SPATA13: variants seen among roughly 807,000 people sequenced by gnomAD.
The protein encoded by SPATA13 is spermatogenesis-associated protein 13.
In SPATA13, 50 loss-of-function variants were observed where a neutral mutation model predicts 104.0. That is an observed-to-expected ratio of 0.48 (90% CI 0.38 to 0.61). SPATA13 has a LOEUF of 0.61. Among genes scored for constraint, SPATA13 ranks in the 20% least tolerant of loss-of-function variants. The pLI, the probability that SPATA13 is intolerant of heterozygous loss-of-function variation, is 0.00. For synonymous variants in SPATA13, 606 were observed against 667.5 expected (o/e 0.91, Z 1.42); for missense variants, 1,524 against 1,690.6 (o/e 0.90, Z 1.73).
At chr13:24,277,227 A>G (rs537963252) in intron 4 of SPATA13, among the ~76,000 whole-genome samples, 20 of 152,042 alleles carry the variant, frequency 1.3e-4, no homozygotes, top group Admixed American at 2.0e-4. Flanking sequence ...GGCGGATCAC[A>G]AGGTCAGGAG....
At chr13:24,283,886 A>G (rs1875726351) in intron 4 of SPATA13, among the ~76,000 whole-genome samples, 1 of 152,184 alleles carries the variant, frequency 6.6e-6, no homozygotes, top group Non-Finnish European at 1.5e-5. Context: ...TAATATCCTG[A>G]TGGTCTTCAC....
At chr13:24,244,703 AAAAT>A (rs1873020862) in intron 2 of SPATA13, among the ~76,000 whole-genome samples, 1 of 152,176 alleles carries the variant, frequency 6.6e-6, no homozygotes, top group South Asian at 2.1e-4. Flanking sequence ...GGCTGTACAA[AAAAT>A]AAATAAATTA....
rs1401433555 is a variant in SPATA13, at chr13:24,011,689, A to G, written c.-146-5978A>G. On this transcript the variant is annotated intron_variant, in intron 2 of 14. Transcript: ENST00000424834. The surrounding 1 kb of genome is among the most constrained non-coding windows in gnomAD (Gnocchi z 4.3). ...GCTGAAAACACCAGGCTCTAACTCTACTAGTTAAGCAGGAGCCTGGGAGTC... is the reference window on the plus strand; with the variant it reads ...GCTGAAAACACCAGGCTCTAACTCTGCTAGTTAAGCAGGAGCCTGGGAGTC... Among the ~76,000 whole-genome samples the G allele has an allele frequency of 2.0e-5, 3 of 152,158 alleles. No individual in the cohort carries two copies. The highest frequency in any genetic ancestry group is 1.3e-4 in the Admixed American group (2 of 15,286).
chr13:24,278,943 T>C, intron 4 of SPATA13: 4 of 802,110 alleles, frequency 5.0e-6, no homozygotes, highest in Non-Finnish European at 7.1e-6. Context: ...CTTCCTTCCT[T>C]CCTTCCCTCC....
chr13:24,095,565 G>A (rs1880047582), intron 3 of SPATA13, among the ~76,000 whole-genome samples: 1 of 151,970 alleles, frequency 6.6e-6, no homozygotes. Context: ...TGGTTATGAT[G>A]GTAAATATGT....
chr13:24,164,084 A>G (rs1036116233), intron 1 of SPATA13, among the ~76,000 whole-genome samples: 1 of 152,240 alleles, frequency 6.6e-6, no homozygotes, highest in Non-Finnish European at 1.5e-5. Flanking sequence ...CCAAATGTAC[A>G]TGGTTTTCTT....
At chr13:24,221,069 G>T (rs1309575562) in intron 1 of SPATA13, among the ~76,000 whole-genome samples, 2 of 152,188 alleles carry the variant, frequency 1.3e-5, no homozygotes, top group African/African-American at 4.8e-5. Flanking sequence ...TTTACAGTCA[G>T]GGTCGTGAGG....
At chr13:24,033,516 G>A (rs9507221) in intron 3 of SPATA13, 66,424 of 152,182 alleles carry the variant, frequency 0.44, 15,544 homozygotes, top group Non-Finnish European at 0.53. Context: ...GTTTCAGCTC[G>A]GACTGACCTG....
chr13:24,265,769 G>A (rs1480411579), intron 4 of SPATA13, among the ~76,000 whole-genome samples: 1 of 152,074 alleles, frequency 6.6e-6, no homozygotes, highest in Non-Finnish European at 1.5e-5. Context: ...CACCTGTCCT[G>A]TAGTTCTTGG....
intron 3 of SPATA13, among the ~76,000 whole-genome samples, chr13:24,098,216 T>C (rs1880143286): frequency 6.6e-6 from 1 of 151,962 alleles, no homozygotes; most frequent in Non-Finnish European, 1.5e-5. Context: ...AGAAGTGAAG[T>C]AGCAAAACAC....
At chr13:24,104,378 T>TAA (rs1268549261) in intron 3 of SPATA13, among the ~76,000 whole-genome samples, 3 of 152,102 alleles carry the variant, frequency 2.0e-5, no homozygotes, top group Non-Finnish European at 4.4e-5. Context: ...CCACTCAATT[T>TAA]TTAGAGAGGT....
chr13:24,265,821 A>G (rs1414279693), intron 4 of SPATA13, among the ~76,000 whole-genome samples: 2 of 152,136 alleles, frequency 1.3e-5, no homozygotes, highest in Non-Finnish European at 1.5e-5. Flanking sequence ...TAAAGTTCCA[A>G]GGATGTTCCT....
intron 1 of SPATA13, among the ~76,000 whole-genome samples, chr13:23,981,308 T>C (rs1034815079): frequency 3.6e-4 from 55 of 152,328 alleles, no homozygotes; most frequent in African/African-American, 1.3e-3. Flanking sequence ...TGATCTTTTT[T>C]AGAGCAGTTT....
intron 3 of SPATA13, among the ~76,000 whole-genome samples, chr13:24,150,899 G>A (rs929553386): frequency 1.3e-5 from 2 of 152,160 alleles, no homozygotes; most frequent in South Asian, 4.2e-4. Flanking sequence ...GGAGACTGCT[G>A]TTTAGATGTG....
intron 1 of SPATA13, among the ~76,000 whole-genome samples, chr13:24,200,689 C>T (rs139450380): frequency 0.012 from 1,847 of 151,422 alleles, 44 homozygotes; most frequent in African/African-American, 0.042. Flanking sequence ...GTTTTTTGCT[C>T]TCGGTGGTCC....
intron 10 of SPATA13, among the ~76,000 whole-genome samples, chr13:24,295,192 T>A (rs1876679252): frequency 6.6e-6 from 1 of 152,104 alleles, no homozygotes; most frequent in South Asian, 2.1e-4. Flanking sequence ...GTAGTAGAAG[T>A]ATGGGGGACT....
At chr13:24,108,174 A>G (rs183443791) in intron 3 of SPATA13, among the ~76,000 whole-genome samples, 114 of 152,298 alleles carry the variant, frequency 7.5e-4, no homozygotes, top group Admixed American at 2.3e-3. Context: ...GCCCTTTTAT[A>G]GGGTTACTAA....
chr13:24,050,435 CAAA>C (rs976893635), intron 3 of SPATA13, among the ~76,000 whole-genome samples: 2 of 152,084 alleles, frequency 1.3e-5, no homozygotes, highest in African/African-American at 4.8e-5. Flanking sequence ...CAACACAAAA[CAAA>C]AACAGCACGG....
rs1162107131 is a variant in SPATA13 at position 24,304,112 on chromosome 13, T to A, written c.*1339T>A. ...TGCTTCTTGGAAATCAGAAGCTGCC[T>A]TTATCACATATAAAGCCAAACAGGG... On this transcript the variant is annotated 3_prime_UTR_variant, in exon 13 of 13. Coordinates refer to ENST00000382108, the MANE Select transcript of SPATA13 (RefSeq NM_001166271.3). 1 of 152,238 alleles carries A rather than the reference T, an allele frequency of 6.6e-6. No homozygotes were observed. The highest frequency in any genetic ancestry group is 1.5e-5 in the Non-Finnish European group (1 of 68,040). 9.4% of individuals were successfully genotyped at this position (152,238 alleles called of 1,614,324 possible). A position where few individuals can be genotyped will look rare whatever the true frequency, so the allele number is the denominator to read the frequency against.
Sources: gnomAD v4.1 joint callset for allele counts (sites outside exome capture counted in the v4.1 genomes callset) on GRCh38, gnomAD v4.1.1 for gene constraint, Gnocchi (gnomAD v3.1) non-coding constraint, MANE v1.5 for transcripts, NCBI Gene and HGNC (gene_info 2026-07-23, HGNC 2026-07-21) for gene names.